SHOX2: variants seen among roughly 807,000 people sequenced by gnomAD.
SHOX2 encodes the protein short stature homeobox protein 2.
A neutral mutation model predicts 31.3 loss-of-function variants in SHOX2; 13 were observed. That is an observed-to-expected ratio of 0.42 (90% confidence interval 0.27 to 0.66). SHOX2 has a LOEUF of 0.66. Among genes scored for constraint, SHOX2 ranks in the 30% least tolerant of loss-of-function variants. The probability of loss-of-function intolerance (pLI) is 0.27; values close to 1 mark genes in which losing one functional copy is unlikely to be tolerated. For missense variants in SHOX2, 473 were observed against 443.0 expected (o/e 1.07, Z -0.61); for synonymous variants, 244 against 196.2 (o/e 1.24, Z -2.04).
chr3:158,097,039 AG>A lies in SHOX2; in HGVS notation c.*987del, dbSNP rs1307343772. On this transcript the variant is annotated 3_prime_UTR_variant, in exon 5 of 5. Coordinates refer to ENST00000483851, the MANE Select transcript of SHOX2 (RefSeq NM_001163678.2). ...AAATGGAGTGAGTGCATGGGAGATA[AG>A]GGGGTGGGAGGAGACACACCATCAA... 2 of 150,268 alleles carry A rather than the reference AG, an allele frequency of 1.3e-5. No individual in the cohort carries two copies. The highest frequency in any genetic ancestry group is 3.0e-5 in the Non-Finnish European group (2 of 67,576). 9.3% of individuals were successfully genotyped at this position (150,268 alleles called of 1,614,324 possible).
chr3:158,100,964 G>C (rs1173168425), intron 2 of SHOX2, among the ~76,000 whole-genome samples: 2 of 152,106 alleles, frequency 1.3e-5, no homozygotes, highest in Non-Finnish European at 2.9e-5. Flanking sequence ...GTAAATAAAA[G>C]TATGAAACAA....
intron 1 of SHOX2, among the ~76,000 whole-genome samples, chr3:158,104,774 AAT>A (rs1452013481): frequency 6.6e-6 from 1 of 152,220 alleles, no homozygotes; most frequent in Non-Finnish European, 1.5e-5. Context: ...TGCTTGCTTA[AAT>A]ATGTGATTCC....
intron 2 of SHOX2, among the ~76,000 whole-genome samples, chr3:158,101,717 C>T (rs1713504637): frequency 6.6e-6 from 1 of 152,160 alleles, no homozygotes; most frequent in Admixed American, 6.5e-5. Flanking sequence ...TACTTTGTAA[C>T]AGCTGCAGAT....
Position 158,106,330 on chromosome 3 carries a change from A to C in SHOX2, c.-306T>G. 2.3e-6 allele frequency: 1 copy of C among 427,648 alleles called. No homozygotes were observed. Among genetic ancestry groups the C allele is most frequent in the South Asian group, 2.5e-5 (1 of 40,530 alleles). The allele number at this position is 427,648 out of a possible 1,614,324, so 26.5% of individuals were successfully genotyped here. On this transcript the variant is annotated 5_prime_UTR_variant, in exon 1 of 5. Coordinates refer to ENST00000483851, the MANE Select transcript of SHOX2 (RefSeq NM_001163678.2). The stretch of plus-strand genomic sequence containing the variant: ...AGAAGGGGCGGGGGCTGCCGGAGGG[A>C]AATGGGAACTGATGCTTCCCTGCCG...
rs1301548062 is a variant in SHOX2, at chr3:158,099,943, GA to G, written c.618del (p.Leu207SerfsTer2). 6.2e-7 allele frequency: 1 copy of G among 1,613,758 alleles called. No individual in the cohort carries two copies. Among genetic ancestry groups the G allele is most frequent in the Admixed American group, 1.7e-5 (1 of 60,012 alleles). ...TCAAACTGGCTGGCGGCCCCTATGA[GA>G]ACACCTGTAAAAAGTACAAGAGAAA... is the stretch of plus-strand genomic sequence containing the variant. ...RKQENQLHKG[V>X]LIGAASQFEA... On this transcript the variant is annotated frameshift_variant, in exon 4 of 5. Coordinates refer to ENST00000483851, the MANE Select transcript of SHOX2 (RefSeq NM_001163678.2). LOFTEE classifies it high-confidence loss of function.
At position 158,105,789 on chromosome 3, in the gene SHOX2, C is replaced by T; in HGVS notation, c.236G>A (p.Gly79Glu). 2 of 1,496,390 alleles carry T rather than the reference C, an allele frequency of 1.3e-6. No homozygotes were observed. The highest frequency in any genetic ancestry group is 1.8e-6 in the Non-Finnish European group (2 of 1,125,826). 92.7% of individuals were successfully genotyped at this position (1,496,390 alleles called of 1,614,324 possible). A position where few individuals can be genotyped will look rare whatever the true frequency, so the allele number is the denominator to read the frequency against. Residue 79 changes from glycine to glutamate, a missense_variant, in exon 1 of 5, where the codon GGA (glycine) becomes GAA (glutamate). Physicochemically the swap from Gly to Glu is moderately conservative, Grantham distance 98 (BLOSUM62 -2). Transcript: ENST00000483851. ...AGCTCCTCCGCCTGCTCCTCCTCCT[C>T]CTACACCTCCTCCGCCTCCTCCGCC... ...GGGGGGGGGVGGGGAGGGAGG... is the reference protein window; with the variant it reads ...GGGGGGGGGVEGGGAGGGAGG...
intron 1 of SHOX2, 130 bp downstream of exon 1, chr3:158,105,549 C>T (rs982737235): frequency 1.3e-6 from 1 of 799,958 alleles, no homozygotes; most frequent in Non-Finnish European, 1.9e-6. Context: ...CTCTAGCTGA[C>T]AAAGCTGGGG....
rs1312071073 is a variant in SHOX2, at chr3:158,097,120, T to C, written c.*907A>G. ...TTACTGTCAGCAGTCCAGACAGTTT[T>C]GCCATAATAATTTCTCAGAGAAATC... On this transcript the variant is annotated 3_prime_UTR_variant, in exon 5 of 5. Transcript: ENST00000483851. 1 of 152,070 alleles carries C rather than the reference T, an allele frequency of 6.6e-6. No homozygotes were observed. The highest frequency in any genetic ancestry group is 2.4e-5 in the African/African-American group (1 of 41,278). 9.4% of individuals were successfully genotyped at this position (152,070 alleles called of 1,614,324 possible).
intron 2 of SHOX2, among the ~76,000 whole-genome samples, chr3:158,101,628 G>A (rs1265625170): frequency 6.6e-6 from 1 of 151,982 alleles, no homozygotes; most frequent in African/African-American, 2.4e-5. Flanking sequence ...ATGTGGGGAA[G>A]CCCCTTAAGA....
Position 158,098,241 on chromosome 3 carries a change from T to C in SHOX2, c.746A>G (p.His249Arg), listed in dbSNP as rs139394762. ...GGCCAGGTGCGGATGCAGGTGGTGG[T>C]GCGCGTGCGCCACAGCGCTGTCCAG... ...LQLDSAVAHA[H>R]HHLHPHLAAH... The change falls in exon 5 of 5, where the codon CAC becomes CGC. Residue 249 changes from histidine to arginine, a missense_variant. His to Arg is a conservative substitution (Grantham distance 29). This residue lies in a region of SHOX2 where 182 missense variants were observed against 167.2 expected (regional missense o/e 1.09). Transcript: ENST00000483851. The C allele has an allele frequency of 1.4e-5, 22 of 1,613,790 alleles. No individual in the cohort carries two copies. The highest frequency in any genetic ancestry group is 1.8e-5 in the Non-Finnish European group (21 of 1,179,926).
At chr3:158,104,621 T>C (rs1713736721) in intron 1 of SHOX2, among the ~76,000 whole-genome samples, 1 of 152,234 alleles carries the variant, frequency 6.6e-6, no homozygotes. Context: ...ATCTACACAG[T>C]GGATGCCACT....
At position 158,097,944 on chromosome 3, in the gene SHOX2, G is replaced by T; in HGVS notation, c.*83C>A. On this transcript the variant is annotated 3_prime_UTR_variant, in exon 5 of 5. Coordinates refer to ENST00000483851, the MANE Select transcript of SHOX2 (RefSeq NM_001163678.2). ...AGGGCCGGCTCCCGAGGTCTCAAAG[G>T]GGTAACGGAGAAGCAGCGGGGCGCG... The T allele has an allele frequency of 2.0e-6, 3 of 1,509,466 alleles. No individual in the cohort carries two copies. The highest frequency in any genetic ancestry group is 2.6e-5 in the South Asian group (2 of 77,660). 93.5% of individuals were successfully genotyped at this position (1,509,466 alleles called of 1,614,324 possible).
chr3:158,105,673 C>T lies in SHOX2; in HGVS notation c.346+6G>A. On this transcript the variant is annotated splice_donor_region_variant and intron_variant, in intron 1 of 4. Transcript: ENST00000483851. ...AACCGCTGCCGGGGGTCAGTCAGGT[C>T]GTTACCCTCCGTCAGTCGCGGGCTG... 1.3e-6 allele frequency: 2 copies of T among 1,522,560 alleles called. No individual in the cohort carries two copies. Among genetic ancestry groups the T allele is most frequent in the South Asian group, 1.2e-5 (1 of 82,830 alleles). The allele number at this position is 1,522,560 out of a possible 1,614,324, so 94.3% of individuals were successfully genotyped here. A position where few individuals can be genotyped will look rare whatever the true frequency, so the allele number is the denominator to read the frequency against.
At chr3:158,103,666 G>C (rs538726513) in intron 1 of SHOX2, 3 of 152,410 alleles carry the variant, frequency 2.0e-5, no homozygotes, top group Admixed American at 6.5e-5. Context: ...GGGCCAGAAG[G>C]CAGGAGGCGG....
Position 158,102,756 on chromosome 3 carries a change from A to G in SHOX2, c.477T>C (p.Phe159=), listed in dbSNP as rs1559896995. Residue 159 remains phenylalanine, a synonymous_variant, in exon 2 of 5, where the codon TTT becomes TTC. Coordinates refer to ENST00000483851, the MANE Select transcript of SHOX2 (RefSeq NM_001163678.2). ...LEQLNELERL[F]DETHYPDAFM... Reference sequence around the variant, plus strand: ...AGGCGTCGGGATAGTGGGTCTCGTCAAAAAGCCTCTCCAGCTCATTGAGTT... The same window carrying G: ...AGGCGTCGGGATAGTGGGTCTCGTCGAAAAGCCTCTCCAGCTCATTGAGTT... The G allele has an allele frequency of 1.2e-6, 2 of 1,614,082 alleles. No homozygotes were observed. Among genetic ancestry groups the G allele is most frequent in the Non-Finnish European group, 1.7e-6 (2 of 1,180,030 alleles).
intron 1 of SHOX2, 77 bp from the exon 2 acceptor site, chr3:158,102,963 A>G: frequency 7.9e-7 from 1 of 1,271,148 alleles, no homozygotes; most frequent in Admixed American, 1.7e-5. Flanking sequence ...CACGGACGAA[A>G]ACAGCACAGC....
At chr3:158,103,156 G>A in intron 1 of SHOX2, 1 of 533,300 alleles carries the variant, frequency 1.9e-6, no homozygotes, top group Non-Finnish European at 3.4e-6. Context: ...AACGTACCTC[G>A]ACTCACCGCC....
At chr3:158,104,402 A>G (rs1243831025) in intron 1 of SHOX2, among the ~76,000 whole-genome samples, 1 of 152,276 alleles carries the variant, frequency 6.6e-6, no homozygotes, top group Non-Finnish European at 1.5e-5. Flanking sequence ...CATTCTAGCT[A>G]CGGTGATCTT....
intron 2 of SHOX2, among the ~76,000 whole-genome samples, chr3:158,101,592 T>A (rs984945565): frequency 5.3e-5 from 8 of 152,138 alleles, no homozygotes; most frequent in Non-Finnish European, 8.8e-5. Context: ...CTGCTCTGTT[T>A]TTTTTTTTCC....
Sources: gnomAD v4.1 joint callset for allele counts (sites outside exome capture counted in the v4.1 genomes callset) on GRCh38, gnomAD v4.1.1 for gene constraint, gnomAD v4.1.1 regional missense constraint, MANE v1.5 for transcripts, NCBI Gene and HGNC (gene_info 2026-07-23, HGNC 2026-07-21) for gene names.